The following PSKH1 variants were observed in gnomAD, a reference collection of about 807,000 sequenced individuals.
PSKH1 encodes protein serine kinase H1.
PSKH1 carries 12 observed loss-of-function variants against 26.7 expected under a neutral mutation model. That is an observed-to-expected ratio of 0.45 (90% CI 0.29 to 0.73). The LOEUF (loss-of-function observed/expected upper bound fraction) is 0.73. Among genes scored for constraint, PSKH1 ranks in the 30% least tolerant of loss-of-function variants. The pLI is 0.11. For missense variants in PSKH1, 431 were observed against 595.2 expected, an observed-to-expected ratio of 0.72 and a Z score of 2.87; for synonymous variants, 213 against 234.3, an observed-to-expected ratio of 0.91 and a Z score of 0.83.
At chr16:67,921,442 G>A (rs2058202044) in intron 2 of PSKH1, among the ~76,000 whole-genome samples, 1 of 152,070 alleles carries the variant, frequency 6.6e-6, no homozygotes, top group South Asian at 2.1e-4. Flanking sequence ...AGGCATGGTG[G>A]CATGCACCTG....
intron 1 of PSKH1, among the ~76,000 whole-genome samples, chr16:67,895,602 T>G (rs2058124245): frequency 1.3e-5 from 2 of 152,034 alleles, no homozygotes; most frequent in African/African-American, 4.8e-5. Context: ...AGAGACGGGA[T>G]TTCATCCTGT....
intron 1 of PSKH1, among the ~76,000 whole-genome samples, chr16:67,903,846 T>TC (rs1824505213): frequency 6.6e-6 from 1 of 150,428 alleles, no homozygotes; most frequent in African/African-American, 2.5e-5. Flanking sequence ...CACTCTTTTT[T>TC]TTTTTTTTTT....
rs773831977 is a variant in PSKH1, at chr16:67,927,646, G to A, written c.*4G>A. On this transcript the variant is annotated 3_prime_UTR_variant, in exon 3 of 3. Transcript: ENST00000291041. The surrounding 1 kb of genome is among the most constrained non-coding windows in gnomAD (Gnocchi z 5.5). ...CCAGCAGCAATACAATGGCTGAGCCGCCTGGCTGTGCACACATGCAGCACG... is the reference window on the plus strand; with the variant it reads ...CCAGCAGCAATACAATGGCTGAGCCACCTGGCTGTGCACACATGCAGCACG... 3.3e-5 allele frequency: 52 copies of A among 1,595,924 alleles called. No homozygotes were observed. The highest frequency in any genetic ancestry group is 3.3e-4 in the Middle Eastern group (2 of 5,994).
At chr16:67,910,899 C>T (rs757358662) in intron 2 of PSKH1, among the ~76,000 whole-genome samples, 14 of 152,234 alleles carry the variant, frequency 9.2e-5, no homozygotes, top group Non-Finnish European at 1.3e-4. Context: ...CACATTCAAC[C>T]GCCAGGCTGT....
intron 1 of PSKH1, among the ~76,000 whole-genome samples, chr16:67,904,332 G>C (rs184079767): frequency 6.6e-6 from 1 of 151,948 alleles, no homozygotes; most frequent in Admixed American, 6.6e-5. Flanking sequence ...CTCCTGAGTA[G>C]CTGGGATTAC....
chr16:67,927,706 G>T lies in PSKH1; in HGVS notation c.*64G>T. On this transcript the variant is annotated 3_prime_UTR_variant, in exon 3 of 3. Transcript: ENST00000291041. This position sits in a 1 kb window ranked among gnomAD's most constrained non-coding sequence, Gnocchi z 5.5. Reference sequence around the variant, plus strand: ...GGCCACACACTGTGGTGCCATCTGGGTCCGATGCCCTCTCTGGAGATAGGC... The same window carrying T: ...GGCCACACACTGTGGTGCCATCTGGTTCCGATGCCCTCTCTGGAGATAGGC... 1.3e-6 allele frequency: 2 copies of T among 1,506,762 alleles called. No homozygotes were observed. Among genetic ancestry groups the T allele is most frequent in the Middle Eastern group, 2.1e-4 (1 of 4,856 alleles). 93.3% of individuals were successfully genotyped at this position (1,506,762 alleles called of 1,614,324 possible). A position where few individuals can be genotyped will look rare whatever the true frequency, so the allele number is the denominator to read the frequency against.
intron 2 of PSKH1, among the ~76,000 whole-genome samples, chr16:67,921,768 G>A (rs1442730647): frequency 6.6e-6 from 1 of 152,150 alleles, no homozygotes; most frequent in Non-Finnish European, 1.5e-5. Context: ...TGGTGGCACA[G>A]GCCTATTGCA....
intron 2 of PSKH1, among the ~76,000 whole-genome samples, chr16:67,919,253 C>A (rs577878650): frequency 6.6e-6 from 1 of 152,302 alleles, no homozygotes; most frequent in East Asian, 1.9e-4. Context: ...CTTTTCTCAC[C>A]TTCAGTGTGG....
In PSKH1 at chr16:67,916,346, C is replaced by A. The variant is rs2058187865; in HGVS notation, c.957+6640C>A. ...CCATAGAGTGCTCTCCCCTGTACACCAGGCCGGGTCTGGTGTGCCTATTTC... is the reference window on the plus strand; with the variant it reads ...CCATAGAGTGCTCTCCCCTGTACACAAGGCCGGGTCTGGTGTGCCTATTTC... On this transcript the variant is annotated intron_variant, in intron 2 of 2. Coordinates refer to ENST00000291041, the MANE Select transcript of PSKH1 (RefSeq NM_006742.3). 2.0e-5 allele frequency among the ~76,000 whole-genome samples: 3 copies of A among 152,142 alleles called. No homozygotes were observed. In the South Asian group the frequency reaches 6.2e-4, roughly 31 times the overall value.
intron 1 of PSKH1, among the ~76,000 whole-genome samples, chr16:67,904,557 C>T (rs2058150728): frequency 1.3e-5 from 2 of 152,038 alleles, no homozygotes; most frequent in African/African-American, 2.4e-5. Context: ...TCAGGCTGGT[C>T]TCAAACTCCC....
intron 2 of PSKH1, among the ~76,000 whole-genome samples, chr16:67,918,980 A>C: frequency 6.6e-6 from 1 of 152,178 alleles, no homozygotes; most frequent in East Asian, 1.9e-4. Flanking sequence ...AGTGCTCTCT[A>C]GGTGACGGGG....
At chr16:67,901,742 C>T (rs576512906) in intron 1 of PSKH1, among the ~76,000 whole-genome samples, 5 of 151,634 alleles carry the variant, frequency 3.3e-5, no homozygotes, top group Admixed American at 2.0e-4. Flanking sequence ...TCAAGCTATC[C>T]TCCACCTCAG....
rs1598195600 is a variant in PSKH1, at chr16:67,927,902, G to C, written c.*260G>C. 1.3e-5 allele frequency: 7 copies of C among 536,280 alleles called. 1 individual carries two copies. The East Asian group carries it at 2.2e-4, about 17-fold the overall frequency. The allele number at this position is 536,280 out of a possible 1,614,324, so 33.2% of individuals were successfully genotyped here. On this transcript the variant is annotated 3_prime_UTR_variant, in exon 3 of 3. Coordinates refer to ENST00000291041, the MANE Select transcript of PSKH1 (RefSeq NM_006742.3). This position sits in a 1 kb window ranked among gnomAD's most constrained non-coding sequence, Gnocchi z 5.5. ...CTGGCCTGGCACTGATACCCCTCTT[G>C]GTGGGCAGCTGCTCTGGTGGAGTTG...
intron 1 of PSKH1, among the ~76,000 whole-genome samples, chr16:67,903,377 C>G (rs1406943790): frequency 1.3e-5 from 2 of 152,030 alleles, no homozygotes; most frequent in Non-Finnish European, 2.9e-5. Flanking sequence ...GTCTTGAACT[C>G]CTGGACTCAA....
At chr16:67,899,006 G>C (rs1392700367) in intron 1 of PSKH1, among the ~76,000 whole-genome samples, 1 of 152,148 alleles carries the variant, frequency 6.6e-6, no homozygotes, top group Non-Finnish European at 1.5e-5. Context: ...AGAGGGCAAG[G>C]TTCCTATGGT....
Position 67,909,188 on chromosome 16 carries a change from C to A in PSKH1, c.439C>A (p.Leu147Met). 6.2e-7 allele frequency: 1 copy of A among 1,614,166 alleles called. No homozygotes were observed. The highest frequency in any genetic ancestry group is 8.5e-7 in the Non-Finnish European group (1 of 1,180,048). ...REVCESELRVLRRVRHANIIQ... is the reference protein window; with the variant it reads ...REVCESELRVMRRVRHANIIQ... ...GGTGTGTGAGTCGGAGCTGCGTGTG[C>A]TGCGTCGGGTGCGTCATGCCAACAT... is the stretch of plus-strand genomic sequence containing the variant. Residue 147 changes from leucine to methionine, a missense_variant, in exon 2 of 3, where the codon CTG becomes ATG. Physicochemically the swap from Leu to Met is conservative, Grantham distance 15 (BLOSUM62 2). Coordinates refer to ENST00000291041, the MANE Select transcript of PSKH1 (RefSeq NM_006742.3). This position sits in a 1 kb window ranked among gnomAD's most constrained non-coding sequence, Gnocchi z 7.8.
At chr16:67,912,617 C>T (rs1403336734) in intron 2 of PSKH1, among the ~76,000 whole-genome samples, 1 of 152,228 alleles carries the variant, frequency 6.6e-6, no homozygotes, top group East Asian at 1.9e-4. Context: ...GCCTGTAATC[C>T]CAGCACTTTG....
intron 1 of PSKH1, among the ~76,000 whole-genome samples, chr16:67,901,600 T>C (rs2058142187): frequency 6.6e-6 from 1 of 150,646 alleles, no homozygotes; most frequent in Non-Finnish European, 1.5e-5. Flanking sequence ...CCCAAAGTGC[T>C]AGGATTACAG....
chr16:67,915,656 A>G (rs2058185827), intron 2 of PSKH1, among the ~76,000 whole-genome samples: 1 of 152,186 alleles, frequency 6.6e-6, no homozygotes. Context: ...AGGTGAGGAC[A>G]GACATCGCTA....
Sources: gnomAD v4.1 joint callset for allele counts (sites outside exome capture counted in the v4.1 genomes callset) on GRCh38, gnomAD v4.1.1 for gene constraint, Gnocchi (gnomAD v3.1) non-coding constraint, MANE v1.5 for transcripts, NCBI Gene and HGNC (gene_info 2026-07-23, HGNC 2026-07-21) for gene names.